The following PDE8A variants were observed in gnomAD, a reference collection of about 807,000 sequenced individuals.
PDE8A encodes the protein phosphodiesterase 8A.
A neutral mutation model predicts 105.0 loss-of-function variants in PDE8A; 59 were observed. The observed-to-expected ratio is 0.56, with a 90% CI of 0.46 to 0.70. PDE8A has a LOEUF of 0.70. PDE8A is among the 30% of genes least tolerant of loss of function. PDE8A has a pLI of 0.00. For missense variants in PDE8A, 1,014 were observed against 1,045.9 expected, an observed-to-expected ratio of 0.97 and a Z score of 0.42; for synonymous variants, 355 against 371.9, an observed-to-expected ratio of 0.95 and a Z score of 0.52.
chr15:84,993,266 A>AC (rs1267014752), intron 1 of PDE8A, among the ~76,000 whole-genome samples: 1 of 151,766 alleles, frequency 6.6e-6, no homozygotes, highest in Non-Finnish European at 1.5e-5. Context: ...ACACGGTGAA[A>AC]CCCCGTCTCT....
At chr15:85,005,301 A>G (rs1177596482) in intron 1 of PDE8A, among the ~76,000 whole-genome samples, 1 of 152,032 alleles carries the variant, frequency 6.6e-6, no homozygotes, top group Non-Finnish European at 1.5e-5. Flanking sequence ...TTTTTTGTAG[A>G]GAAAGGTTCT....
At chr15:85,035,366 G>A (rs372718199) in intron 1 of PDE8A, among the ~76,000 whole-genome samples, 3 of 151,772 alleles carry the variant, frequency 2.0e-5, no homozygotes, top group East Asian at 1.9e-4. Flanking sequence ...CCGCCACCAC[G>A]CCCAGCTAAT....
At chr15:85,038,214 GGGGTGTGTGTGT>G (rs1463633560) in intron 1 of PDE8A, among the ~76,000 whole-genome samples, 2,137 of 144,210 alleles carry the variant, frequency 0.015, 20 homozygotes, top group Admixed American at 0.029. Flanking sequence ...CTCCAATTGG[GGGGTGTGTGTGT>G]GTGTGTGTGT....
At chr15:85,137,732 TAGTGAAAGCCTAAAATGTAAAC>T in intron 21 of PDE8A, 43 bp from the exon 22 acceptor site, 1 of 1,036,200 alleles carries the variant, frequency 9.7e-7, no homozygotes, top group Non-Finnish European at 1.5e-6. Context: ...AAAATGCTCT[TAGTGAAAGCCTAAAATGTAAAC>T]AGAGGCTGTG....
intron 1 of PDE8A, among the ~76,000 whole-genome samples, chr15:85,031,188 A>G (rs17611290): frequency 0.14 from 21,241 of 152,196 alleles, 1,931 homozygotes; most frequent in Middle Eastern, 0.24. Flanking sequence ...CTGATAGCCC[A>G]TCACATTTCT....
rs191366243 is a variant in PDE8A, at chr15:85,132,826, A to G, written c.2254-3708A>G. On this transcript the variant is annotated intron_variant, in intron 20 of 21. Transcript: ENST00000394553. ...CTGTGGTGTTCACCTGTCATTTCCT[A>G]TAGTTCCTGGTCTGTGTGTGTGTGT... Among the ~76,000 whole-genome samples the G allele has an allele frequency of 1.6e-3, 206 of 129,248 alleles. 1 individual carries two copies. The highest frequency in any genetic ancestry group is 1.8e-3 in the Non-Finnish European group (113 of 63,864). The allele number at this position is 129,248 out of a possible 152,430, so 84.8% of individuals were successfully genotyped here. A position where few individuals can be genotyped will look rare whatever the true frequency, so the allele number is the denominator to read the frequency against.
At chr15:85,038,084 GTTAAAAC>G (rs1023417188) in intron 1 of PDE8A, among the ~76,000 whole-genome samples, 3 of 152,102 alleles carry the variant, frequency 2.0e-5, no homozygotes, top group African/African-American at 4.8e-5. Flanking sequence ...TAATAAAATT[GTTAAAAC>G]TTAAAAATTG....
rs147179336 is a variant in PDE8A at position 85,083,633 on chromosome 15, A to G, written c.624A>G (p.Gln208=). 47 of 1,610,224 alleles carry G rather than the reference A, an allele frequency of 2.9e-5. No individual in the cohort carries two copies. Among genetic ancestry groups the G allele is most frequent in the South Asian group, 1.1e-4 (10 of 90,968 alleles). Residue 208 remains glutamine, a synonymous_variant, in exon 6 of 22, where the codon CAA becomes CAG. Coordinates refer to ENST00000394553, the MANE Select transcript of PDE8A (RefSeq NM_002605.3). ...TGGAGTTTGGAGAGGTGCGATCACA[A>G]CTGAAACTCAGGTAATTCTACCACT... is the stretch of plus-strand genomic sequence containing the variant. The part of the protein sequence containing the change: ...LQLEFGEVRS[Q]LKLRACNSVF...
At chr15:85,106,201 C>T (rs139665818) in intron 11 of PDE8A, among the ~76,000 whole-genome samples, 119 of 152,202 alleles carry the variant, frequency 7.8e-4, no homozygotes, top group African/African-American at 2.8e-3. Context: ...CAAGCAGTTT[C>T]CTCCTCCTGG....
chr15:85,038,951 G>A (rs113757623), intron 1 of PDE8A, among the ~76,000 whole-genome samples: 6 of 151,904 alleles, frequency 3.9e-5, no homozygotes, highest in Admixed American at 6.6e-5. Context: ...GAGAAACCCC[G>A]TCTCTACTAA....
intron 1 of PDE8A, among the ~76,000 whole-genome samples, chr15:84,993,548 T>A (rs1185197472): frequency 6.6e-6 from 1 of 151,706 alleles, no homozygotes; most frequent in African/African-American, 2.4e-5. Flanking sequence ...TGTGTTTCCT[T>A]CCATCCATGT....
chr15:85,054,689 A>C (rs892043813), intron 1 of PDE8A, among the ~76,000 whole-genome samples: 2 of 151,938 alleles, frequency 1.3e-5, no homozygotes, highest in African/African-American at 2.4e-5. Context: ...TATTGTGTCT[A>C]TTTGATTCTT....
chr15:85,083,681 A>G, intron 6 of PDE8A, 37 bp downstream of exon 6: 2 of 1,310,092 alleles, frequency 1.5e-6, no homozygotes, highest in Non-Finnish European at 2.2e-6. Context: ...TCCAGGCCAT[A>G]CAGGGCAGCA....
At chr15:85,068,470 TC>T (rs2081264592) in intron 3 of PDE8A, among the ~76,000 whole-genome samples, 1 of 152,194 alleles carries the variant, frequency 6.6e-6, no homozygotes, top group Admixed American at 6.5e-5. Flanking sequence ...GTTTGGCTCT[TC>T]CTGGATAGCT....
At chr15:85,099,408 C>G (rs1446514626) in intron 9 of PDE8A, among the ~76,000 whole-genome samples, 1 of 152,216 alleles carries the variant, frequency 6.6e-6, no homozygotes, top group Non-Finnish European at 1.5e-5. Context: ...TGTGGGTTCT[C>G]TGTTCTGATT....
chr15:85,012,498 T>C (rs2080256227), intron 1 of PDE8A, among the ~76,000 whole-genome samples: 1 of 128,350 alleles, frequency 7.8e-6, no homozygotes, highest in Non-Finnish European at 1.5e-5. Context: ...AATTGAACAA[T>C]GAGAACACAT....
At chr15:85,108,404 G>C (rs1367036413) in intron 11 of PDE8A, among the ~76,000 whole-genome samples, 1 of 152,168 alleles carries the variant, frequency 6.6e-6, no homozygotes, top group Non-Finnish European at 1.5e-5. Context: ...GGGATGCATG[G>C]TACCCAGCAG....
In PDE8A at chr15:85,067,119, C is replaced by T. The variant is rs371848959; in HGVS notation, c.349C>T (p.Leu117Phe). The T allele has an allele frequency of 1.2e-6, 2 of 1,613,654 alleles. No homozygotes were observed. Among genetic ancestry groups the T allele is most frequent in the African/African-American group, 1.3e-5 (1 of 74,888 alleles). Residue 117 changes from leucine to phenylalanine, a missense_variant, in exon 3 of 22, where the codon CTT becomes TTT. Leu to Phe is a conservative substitution (Grantham distance 22). Transcript: ENST00000394553. ...AGTTACCAAGGAGGCTCAGGCTGTC[C>T]TTGCCTGTTTCCTGGACAAACATCA... ...CTVTKEAQAV[L>F]ACFLDKHHDI...
intron 1 of PDE8A, among the ~76,000 whole-genome samples, chr15:85,015,299 T>G (rs537729125): frequency 6.6e-6 from 1 of 151,698 alleles, no homozygotes; most frequent in South Asian, 2.1e-4. Context: ...CAATCACAGC[T>G]CACCGGAGCC....
Sources: allele counts gnomAD v4.1 joint callset (sites outside exome capture counted in the v4.1 genomes callset), GRCh38; gene constraint gnomAD v4.1.1; transcripts MANE v1.5; gene names NCBI Gene and HGNC (gene_info 2026-07-23, HGNC 2026-07-21).